The following JAG1 variants were observed in gnomAD, a reference collection of about 807,000 sequenced individuals.
JAG1 encodes the protein protein jagged-1.
Under a neutral mutation model 148.7 loss-of-function variants are expected in JAG1, and 23 were observed. The ratio of observed to expected loss-of-function variants is 0.15; its 90% CI spans 0.11 to 0.22. The LOEUF (loss-of-function observed/expected upper bound fraction) is 0.22, where lower values mean the gene tolerates loss of function less well. Ranked by LOEUF, JAG1 falls within the 10% of genes least tolerant of loss-of-function variation. The pLI, the probability that JAG1 is intolerant of heterozygous loss-of-function variation, is 1.00. For missense variants in JAG1, 1,054 were observed against 1,611.2 expected, an observed-to-expected ratio of 0.65 and a Z score of 5.92; for synonymous variants, 572 against 598.3, an observed-to-expected ratio of 0.96 and a Z score of 0.64.
chr20:10,647,530 T>A (rs2122606957), intron 13 of JAG1, among the ~76,000 whole-genome samples: 1 of 152,370 alleles, frequency 6.6e-6, no homozygotes, highest in Non-Finnish European at 1.5e-5. Context: ...CTATTTACAT[T>A]TAAATGAACT....
In JAG1 at chr20:10,646,189, C is replaced by A. The variant is rs1408747170; in HGVS notation, c.1886-105G>T. 7.8e-6 allele frequency: 6 copies of A among 771,898 alleles called. No homozygotes were observed. In the East Asian group the frequency reaches 1.3e-4, roughly 17 times the overall value. The allele number at this position is 771,898 out of a possible 1,614,324, so 47.8% of individuals were successfully genotyped here. On this transcript the variant is annotated intron_variant, in intron 14 of 25. Transcript: ENST00000254958. ...CTCCCTCCTGACACAATGCACCTGG[C>A]ACCTCCACCTGCTACCCTCCATCAG...
At chr20:10,672,574 G>A (rs1376654436) in intron 2 of JAG1, 127 bp downstream of exon 2, 12 of 975,014 alleles carry the variant, frequency 1.2e-5, no homozygotes, top group Non-Finnish European at 1.9e-5. Flanking sequence ...GCCACCCCTA[G>A]AGATTTCCCC....
intron 2 of JAG1, among the ~76,000 whole-genome samples, chr20:10,667,487 C>T (rs1346263390): frequency 2.6e-5 from 4 of 152,214 alleles, no homozygotes; most frequent in African/African-American, 7.2e-5. Flanking sequence ...AGTCACAAAA[C>T]ATATTAAGCA....
At chr20:10,641,336 C>T in intron 23 of JAG1, 92 bp from the exon 24 acceptor site, 1 of 1,564,828 alleles carries the variant, frequency 6.4e-7, no homozygotes, top group Non-Finnish European at 8.8e-7. Flanking sequence ...TAAGTTCAAG[C>T]TTACTTTATT....
chr20:10,661,870 A>G (rs191096362), intron 3 of JAG1, among the ~76,000 whole-genome samples: 1 of 152,340 alleles, frequency 6.6e-6, no homozygotes, highest in Admixed American at 6.5e-5. Context: ...GAGATTTTTC[A>G]GAACTTGGAG....
At chr20:10,648,771 T>C (rs1396363814) in intron 11 of JAG1, 49 bp from the exon 12 acceptor site, 15 of 1,562,624 alleles carry the variant, frequency 9.6e-6, no homozygotes, top group Non-Finnish European at 1.1e-5. Context: ...TTTCTATGTA[T>C]TCCACAAACA....
At chr20:10,647,900 G>A (rs536580096) in intron 13 of JAG1, 60 bp downstream of exon 13, 1 of 1,564,068 alleles carries the variant, frequency 6.4e-7, no homozygotes, top group Non-Finnish European at 8.8e-7. Context: ...GGCAGTGGTA[G>A]TAAGTGGGGA....
Position 10,673,289 on chromosome 20 carries a change from G to A in JAG1, c.81+161C>T, listed in dbSNP as rs2067511383. 6.6e-6 allele frequency among the ~76,000 whole-genome samples: 1 copy of A among 152,196 alleles called. No individual in the cohort carries two copies. The highest frequency in any genetic ancestry group is 1.5e-5 in the Non-Finnish European group (1 of 68,012). On this transcript the variant is annotated intron_variant, in intron 1 of 25. Transcript: ENST00000254958. The surrounding 1 kb of genome is among the most constrained non-coding windows in gnomAD (Gnocchi z 4.7). ...CCCTCAGGAGGCAGGGGCTCCCGTG[G>A]GGGAGTTGGCGCGCTCAGCCCAGGT...
chr20:10,650,412 A>G (rs957268634), intron 8 of JAG1, 52 bp from the exon 9 acceptor site: 2 of 1,025,376 alleles, frequency 2.0e-6, no homozygotes, highest in Admixed American at 1.8e-5. Flanking sequence ...TCCATCTGAC[A>G]ATTAGATCCT....
Position 10,648,007 on chromosome 20 carries a change from T to A in JAG1, c.1673A>T (p.Lys558Met). The A allele has an allele frequency of 6.2e-7, 1 of 1,614,196 alleles. No homozygotes were observed. The highest frequency in any genetic ancestry group is 8.5e-7 in the Non-Finnish European group (1 of 1,180,044). Residue 558 changes from lysine (K) to methionine (M), a missense_variant, in exon 13 of 26, where the codon AAG (lysine) becomes ATG (methionine). Lys to Met is a moderately conservative substitution (Grantham distance 95, BLOSUM62 -1). Coordinates refer to ENST00000254958, the MANE Select transcript of JAG1 (RefSeq NM_000214.3). ...GTGGTCTTTCAGGTGTGAGCAGTTC[T>A]TGCCCTCATAGTCCTCGGGGCACTT... ...FCKCPEDYEG[K>M]NCSHLKDHCR...
Position 10,658,565 on chromosome 20 carries a change from G to T in JAG1, c.597C>A (p.Phe199Leu). ...DYYYGFGCNK[F>L]CRPRDDFFGH... ...CAAAGAAGTCATCTCTGGGGCGGCA[G>T]AACTTATTGCAGCCAAAGCCATAGT... Residue 199 changes from phenylalanine to leucine, a missense_variant, in exon 4 of 26, where the codon TTC becomes TTA. This residue lies in a region of JAG1 where 104 missense variants were observed against 235.2 expected (regional missense o/e 0.44). Transcript: ENST00000254958. 1.9e-6 allele frequency: 3 copies of T among 1,614,212 alleles called. No individual in the cohort carries two copies. The highest frequency in any genetic ancestry group is 8.5e-7 in the Non-Finnish European group (1 of 1,180,036).
chr20:10,654,783 G>A (rs947153081), intron 5 of JAG1, among the ~76,000 whole-genome samples: 6 of 152,178 alleles, frequency 3.9e-5, no homozygotes, highest in Admixed American at 2.0e-4. Context: ...GTGGGACTTC[G>A]AAAGAGAAAG....
chr20:10,670,321 G>A (rs1004496388), intron 2 of JAG1, among the ~76,000 whole-genome samples: 1 of 152,194 alleles, frequency 6.6e-6, no homozygotes, highest in Non-Finnish European at 1.5e-5. Flanking sequence ...CATGCAAATG[G>A]TAATTGTGCC....
rs759070930 is a variant in JAG1 at position 10,645,940 on chromosome 20, C to T, written c.1999+31G>A. 1.2e-5 allele frequency: 17 copies of T among 1,444,168 alleles called. No individual in the cohort carries two copies. Among genetic ancestry groups the T allele is most frequent in the Non-Finnish European group, 1.7e-5 (17 of 1,024,974 alleles). 89.5% of individuals were successfully genotyped at this position (1,444,168 alleles called of 1,614,324 possible). A position where few individuals can be genotyped will look rare whatever the true frequency, so the allele number is the denominator to read the frequency against. ...GATCCCTCCAACATGACCCATACAT[C>T]CCAGAGCTCCCCAAAGAGTGGCAGA... is the stretch of plus-strand genomic sequence containing the variant. On this transcript the variant is annotated intron_variant, in intron 15 of 25. Coordinates refer to ENST00000254958, the MANE Select transcript of JAG1 (RefSeq NM_000214.3). This position sits in a 1 kb window ranked among gnomAD's most constrained non-coding sequence, Gnocchi z 6.1.
At chr20:10,666,268 G>A (rs994450250) in intron 2 of JAG1, among the ~76,000 whole-genome samples, 1 of 152,136 alleles carries the variant, frequency 6.6e-6, no homozygotes, top group African/African-American at 2.4e-5. Flanking sequence ...ATTTAACAAT[G>A]ATTATTAGTT....
intron 3 of JAG1, among the ~76,000 whole-genome samples, chr20:10,662,755 C>A (rs1437814461): frequency 6.6e-6 from 1 of 152,144 alleles, no homozygotes; most frequent in Non-Finnish European, 1.5e-5. Context: ...CACACACCCC[C>A]CCACGGCATT....
intron 20 of JAG1, among the ~76,000 whole-genome samples, chr20:10,643,042 AACAG>A (rs1311512170): frequency 2.6e-5 from 4 of 152,252 alleles, no homozygotes; most frequent in African/African-American, 9.6e-5. Flanking sequence ...TATTTATAAA[AACAG>A]ACAGTGGGCT....
chr20:10,668,718 G>A (rs1016338541), intron 2 of JAG1, among the ~76,000 whole-genome samples: 13 of 150,622 alleles, frequency 8.6e-5, no homozygotes, highest in South Asian at 2.1e-4. Flanking sequence ...AACTTTCCAC[G>A]TCTTCTATCT....
chr20:10,655,224 GATAGTTCTCTTTA>G (rs1174381784), intron 5 of JAG1, among the ~76,000 whole-genome samples: 1 of 152,276 alleles, frequency 6.6e-6, no homozygotes, highest in Non-Finnish European at 1.5e-5. Flanking sequence ...AAAGGCCACA[GATAGTTCTCTTTA>G]AAGGAGTAGC....
Sources: allele counts gnomAD v4.1 joint callset (sites outside exome capture counted in the v4.1 genomes callset), GRCh38; gene constraint gnomAD v4.1.1; regional missense constraint gnomAD v4.1.1; non-coding constraint Gnocchi (gnomAD v3.1); transcripts MANE v1.5; gene names NCBI Gene and HGNC (gene_info 2026-07-23, HGNC 2026-07-21).